RBFOX1: variants seen among roughly 807,000 people sequenced by gnomAD.
The protein encoded by RBFOX1 is RNA binding fox-1 homolog 1.
Under a neutral mutation model 57.7 loss-of-function variants are expected in RBFOX1, and 8 were observed. The ratio of observed to expected loss-of-function variants is 0.14; its 90% CI spans 0.08 to 0.25. RBFOX1 has a LOEUF of 0.25. RBFOX1 is among the 10% of genes least tolerant of loss of function. RBFOX1 has a pLI of 1.00. For missense variants in RBFOX1, 611 were observed against 548.5 expected (o/e 1.11, Z -1.14); for synonymous variants, 326 against 222.4 (o/e 1.47, Z -4.15).
intron 1 of RBFOX1, among the ~76,000 whole-genome samples, chr16:5,372,746 G>C (rs147156642): frequency 6.6e-6 from 1 of 152,280 alleles, no homozygotes; most frequent in East Asian, 1.9e-4. Context: ...GAGATAAACT[G>C]TTATTAGTTT....
chr16:6,575,761 G>T (rs1031125770), intron 2 of RBFOX1, among the ~76,000 whole-genome samples: 1 of 151,624 alleles, frequency 6.6e-6, no homozygotes, highest in Non-Finnish European at 1.5e-5. Context: ...GGAGGCTGAG[G>T]CAGGAGAATC....
chr16:5,898,364 C>T (rs1352287079), intron 4 of RBFOX1, among the ~76,000 whole-genome samples: 4 of 152,044 alleles, frequency 2.6e-5, no homozygotes, highest in East Asian at 1.9e-4. Context: ...ACTCTTCTAC[C>T]TGAGAAGTAG....
chr16:6,826,058 C>G (rs116492505), intron 3 of RBFOX1, among the ~76,000 whole-genome samples: 12 of 151,936 alleles, frequency 7.9e-5, no homozygotes, highest in Non-Finnish European at 1.8e-4. Context: ...ACGTTCATTG[C>G]CCAGGTCCCC....
At chr16:7,193,261 C>A (rs942135494) in intron 4 of RBFOX1, among the ~76,000 whole-genome samples, 1 of 152,256 alleles carries the variant, frequency 6.6e-6, no homozygotes, top group South Asian at 2.1e-4. Flanking sequence ...TTATTGCTGT[C>A]TGTAAGATGG....
At chr16:6,892,758 C>G (rs895338595) in intron 3 of RBFOX1, among the ~76,000 whole-genome samples, 5 of 149,466 alleles carry the variant, frequency 3.3e-5, no homozygotes, top group Non-Finnish European at 7.4e-5. Context: ...TGCATATTCT[C>G]AAAGCCTCCC....
At chr16:5,399,993 C>T (rs1044158809) in intron 1 of RBFOX1, among the ~76,000 whole-genome samples, 1 of 152,090 alleles carries the variant, frequency 6.6e-6, no homozygotes, top group African/African-American at 2.4e-5. Flanking sequence ...CATATGTTTG[C>T]CCTCCTTTCA....
At position 5,710,480 on chromosome 16, in the gene RBFOX1, C is replaced by T. The variant is rs146120952; in HGVS notation, c.318+111519C>T. ...CGTGGCTGCTGCTGCTATGCTAACA[C>T]AAGTCACAATGCTGCCCTAATTGTC... On this transcript the variant is annotated intron_variant, in intron 3 of 19. Coordinates refer to the RBFOX1 transcript ENST00000641259. 1.6e-3 allele frequency among the ~76,000 whole-genome samples: 243 copies of T among 152,268 alleles called. 3 individuals carry two copies. Among genetic ancestry groups the T allele is most frequent in the African/African-American group, 5.3e-3 (221 of 41,550 alleles).
At chr16:6,759,582 C>T (rs999246487) in intron 3 of RBFOX1, among the ~76,000 whole-genome samples, 4 of 150,768 alleles carry the variant, frequency 2.7e-5, no homozygotes, top group African/African-American at 7.4e-5. Context: ...ATATGAGTTC[C>T]AGTTCCAGTA....
intron 3 of RBFOX1, among the ~76,000 whole-genome samples, chr16:5,608,321 C>G (rs1329767523): frequency 1.3e-5 from 2 of 152,188 alleles, no homozygotes; most frequent in African/African-American, 4.8e-5. Flanking sequence ...GTAACAGCAG[C>G]AGCCGTCTGA....
At chr16:5,831,461 C>T (rs1038179205) in intron 3 of RBFOX1, among the ~76,000 whole-genome samples, 1 of 128,306 alleles carries the variant, frequency 7.8e-6, no homozygotes, top group Non-Finnish European at 1.6e-5. Context: ...GCCAATTAAA[C>T]CTCTTTTCTC....
At chr16:6,995,087 T>G (rs1466740262) in intron 3 of RBFOX1, among the ~76,000 whole-genome samples, 1 of 152,070 alleles carries the variant, frequency 6.6e-6, no homozygotes, top group East Asian at 1.9e-4. Context: ...AAGTGGAAAA[T>G]TAAAAATTCA....
intron 4 of RBFOX1, among the ~76,000 whole-genome samples, chr16:5,953,657 C>T (rs562343358): frequency 2.0e-5 from 3 of 151,252 alleles, no homozygotes; most frequent in East Asian, 2.0e-4. Context: ...CAGGTTGCTG[C>T]GAATGCCATT....
chr16:7,566,304 C>T (rs113912687), intron 5 of RBFOX1, among the ~76,000 whole-genome samples: 1 of 152,094 alleles, frequency 6.6e-6, no homozygotes, highest in Non-Finnish European at 1.5e-5. Context: ...GCCTCATTCA[C>T]CCACCTCACT....
At chr16:6,060,294 T>G (rs1317120679) in intron 1 of RBFOX1, among the ~76,000 whole-genome samples, 1 of 152,138 alleles carries the variant, frequency 6.6e-6, no homozygotes, top group Non-Finnish European at 1.5e-5. Flanking sequence ...GCACCATTTG[T>G]TCATCTGTAA....
chr16:6,948,375 CTTTTTTTT>C (rs968186299), intron 3 of RBFOX1, among the ~76,000 whole-genome samples: 18 of 67,968 alleles, frequency 2.6e-4, no homozygotes, highest in African/African-American at 6.7e-4. Flanking sequence ...TTCTCCCTTT[CTTTTTTTT>C]TTTTTTTTTT....
intron 1 of RBFOX1, among the ~76,000 whole-genome samples, chr16:5,424,919 C>A (rs1380957876): frequency 1.0e-5 from 1 of 96,692 alleles, no homozygotes; most frequent in African/African-American, 4.7e-5. Context: ...TTCTTTCTTT[C>A]TTTCTTTCTT....
At chr16:5,458,335 G>A (rs1425920198) in intron 1 of RBFOX1, among the ~76,000 whole-genome samples, 4 of 152,122 alleles carry the variant, frequency 2.6e-5, no homozygotes, top group East Asian at 1.9e-4. Context: ...GAAAAAAAAC[G>A]GTGGGGAGGA....
chr16:6,132,787 G>C (rs1440569064), intron 1 of RBFOX1, among the ~76,000 whole-genome samples: 1 of 151,992 alleles, frequency 6.6e-6, no homozygotes, highest in Non-Finnish European at 1.5e-5. Flanking sequence ...AGGAGTTCAA[G>C]ACCAGCCTGG....
intron 4 of RBFOX1, among the ~76,000 whole-genome samples, chr16:7,481,258 G>A (rs13337101): frequency 0.028 from 4,299 of 152,208 alleles, 189 homozygotes; most frequent in African/African-American, 0.097. Context: ...TAGAGCCCCC[G>A]TCTTCAGGGT....
Sources: allele counts gnomAD v4.1 joint callset (sites outside exome capture counted in the v4.1 genomes callset), GRCh38; gene constraint gnomAD v4.1.1; transcripts MANE v1.5; gene names NCBI Gene and HGNC (gene_info 2026-07-23, HGNC 2026-07-21).